The following EPHB2 variants were observed in gnomAD, a reference collection of about 807,000 sequenced individuals.
EPHB2 encodes EPH receptor B2.
Under a neutral mutation model 96.4 loss-of-function variants are expected in EPHB2, and 18 were observed. The observed-to-expected ratio is 0.19, with a 90% CI of 0.13 to 0.28. The LOEUF (loss-of-function observed/expected upper bound fraction) is 0.28, where lower values mean the gene tolerates loss of function less well. Ranked by LOEUF, EPHB2 falls within the 10% of genes least tolerant of loss-of-function variation. EPHB2 has a pLI of 1.00. For synonymous variants in EPHB2, 506 were observed against 534.1 expected (o/e 0.95, Z 0.72); for missense variants, 989 against 1,355.4 (o/e 0.73, Z 4.25).
chr1:22,906,485 A>T lies in EPHB2; in HGVS notation c.1889-225A>T, dbSNP rs990294568. Among the ~76,000 whole-genome samples the T allele has an allele frequency of 6.6e-6, 1 of 152,146 alleles. No individual in the cohort carries two copies. Among genetic ancestry groups the T allele is most frequent in the African/African-American group, 2.4e-5 (1 of 41,412 alleles). On this transcript the variant is annotated intron_variant, in intron 10 of 15. Transcript: ENST00000374630. This position sits in a 1 kb window ranked among gnomAD's most constrained non-coding sequence, Gnocchi z 4.8. ...CCCTCACCCCCATGCCCAGCCAGGG[A>T]TAACCAGAGAACAACCATGAGGAAT...
chr1:22,855,317 T>C (rs1329835773), intron 3 of EPHB2, among the ~76,000 whole-genome samples: 6 of 152,174 alleles, frequency 3.9e-5, no homozygotes, highest in African/African-American at 1.4e-4. Flanking sequence ...ACTGACTTCC[T>C]AGAGATTCCA....
intron 5 of EPHB2, among the ~76,000 whole-genome samples, chr1:22,870,354 A>C (rs372543571): frequency 8.2e-4 from 125 of 152,156 alleles, no homozygotes; most frequent in Non-Finnish European, 1.5e-3. Flanking sequence ...AGGGATAAGG[A>C]AACGGGTTGG....
In EPHB2 at chr1:22,906,086, A is replaced by G. The variant is rs767980355; in HGVS notation, c.1865A>G (p.Lys622Arg). 3 of 1,614,178 alleles carry G rather than the reference A, an allele frequency of 1.9e-6. No homozygotes were observed. Among genetic ancestry groups the G allele is most frequent in the Non-Finnish European group, 2.5e-6 (3 of 1,180,040 alleles). The change falls in exon 10 of 16, where the codon AAA becomes AGA. Residue 622 changes from lysine to arginine, a missense_variant. Coordinates refer to ENST00000374630, the MANE Select transcript of EPHB2 (RefSeq NM_017449.5). The surrounding 1 kb of genome is among the most constrained non-coding windows in gnomAD (Gnocchi z 4.8). ...FAKEIDISCV[K>R]IEQVIGAGEF... is the part of the protein sequence containing the mutation. ...AAGGAAATTGACATCTCCTGTGTCA[A>G]AATTGAGCAGGTGATCGGAGCAGGT...
In EPHB2 at chr1:22,906,322, G is replaced by A. The variant is rs1420587899; in HGVS notation, c.1888+213G>A. Among the ~76,000 whole-genome samples the A allele has an allele frequency of 6.6e-6, 1 of 152,156 alleles. No homozygotes were observed. Among genetic ancestry groups the A allele is most frequent in the African/African-American group, 2.4e-5 (1 of 41,432 alleles). On this transcript the variant is annotated intron_variant, in intron 10 of 15. Transcript: ENST00000374630. This position sits in a 1 kb window ranked among gnomAD's most constrained non-coding sequence, Gnocchi z 4.8. ...GACAAAAGAGGAAACTGAGGCACAG[G>A]GCTGGGAGGGGACATGCACAGTGAG...
At chr1:22,777,120 A>G (rs1305653192) in intron 1 of EPHB2, among the ~76,000 whole-genome samples, 1 of 152,232 alleles carries the variant, frequency 6.6e-6, no homozygotes, top group African/African-American at 2.4e-5. Context: ...GATGAACATT[A>G]GGGCAGGCCA....
At chr1:22,720,170 G>A (rs72879161) in intron 1 of EPHB2, among the ~76,000 whole-genome samples, 10,690 of 152,216 alleles carry the variant, frequency 0.07, 1,152 homozygotes, top group African/African-American at 0.23. Flanking sequence ...AAACTGCAAG[G>A]CTTCTTAAGG....
At chr1:22,805,776 A>T (rs1570311964) in intron 3 of EPHB2, among the ~76,000 whole-genome samples, 1 of 152,310 alleles carries the variant, frequency 6.6e-6, no homozygotes, top group South Asian at 2.1e-4. Flanking sequence ...TCACTAGCGC[A>T]TATGTGCCTG....
chr1:22,874,916 C>T (rs192860318), intron 5 of EPHB2, among the ~76,000 whole-genome samples: 4 of 152,278 alleles, frequency 2.6e-5, no homozygotes, highest in East Asian at 1.9e-4. Context: ...AATGAGCCTG[C>T]GACCACTGGG....
At chr1:22,788,589 GCTTCTCA>G (rs1644645001) in intron 3 of EPHB2, among the ~76,000 whole-genome samples, 1 of 152,168 alleles carries the variant, frequency 6.6e-6, no homozygotes, top group African/African-American at 2.4e-5. Context: ...CTAGCTTAGG[GCTTCTCA>G]ACCTTTATTG....
Position 22,908,048 on chromosome 1 carries a change from C to T in EPHB2, c.2232C>T (p.His744=). The T allele has an allele frequency of 6.2e-7, 1 of 1,614,254 alleles. No homozygotes were observed. Among genetic ancestry groups the T allele is most frequent in the Non-Finnish European group, 8.5e-7 (1 of 1,180,054 alleles). The part of the protein sequence containing the change: ...MKYLADMNYV[H]RDLAARNILV... ...ACCTGGCAGACATGAACTATGTTCA[C>T]CGTGACCTGGCTGCCCGCAACATCC... The change falls in exon 12 of 16, where the codon CAC becomes CAT. Residue 744 remains histidine (H), a synonymous_variant. Coordinates refer to ENST00000374630, the MANE Select transcript of EPHB2 (RefSeq NM_017449.5).
chr1:22,743,337 A>T (rs1338860365), intron 1 of EPHB2, among the ~76,000 whole-genome samples: 1 of 152,188 alleles, frequency 6.6e-6, no homozygotes, highest in Non-Finnish European at 1.5e-5. Flanking sequence ...GCTTACCAGG[A>T]TCAGCTTACT....
At chr1:22,870,003 G>A (rs571250936) in intron 5 of EPHB2, among the ~76,000 whole-genome samples, 15 of 152,320 alleles carry the variant, frequency 9.8e-5, no homozygotes, top group Middle Eastern at 3.4e-3. Context: ...TCGGAGAAGC[G>A]TGGGGTGAGG....
chr1:22,920,959 C>T lies in EPHB2; in HGVS notation c.*7389C>T, dbSNP rs1242407581. On this transcript the variant is annotated 3_prime_UTR_variant, in exon 16 of 16. Coordinates refer to ENST00000374630, the MANE Select transcript of EPHB2 (RefSeq NM_017449.5). ...GACATGGTGGCTCTCCCAGGTCACA[C>T]AGCCAGTAAGTGGCCTCTGACCCCA... 6.6e-6 allele frequency: 1 copy of T among 152,286 alleles called. No homozygotes were observed. The highest frequency in any genetic ancestry group is 1.5e-5 in the Non-Finnish European group (1 of 68,086). 9.4% of individuals were successfully genotyped at this position (152,286 alleles called of 1,614,324 possible). A position where few individuals can be genotyped will look rare whatever the true frequency, so the allele number is the denominator to read the frequency against.
chr1:22,758,864 A>T (rs1444451121), intron 1 of EPHB2, among the ~76,000 whole-genome samples: 5 of 132,860 alleles, frequency 3.8e-5, no homozygotes, highest in Non-Finnish European at 1.6e-5. Flanking sequence ...GTCCTGGTGG[A>T]TGGATGATGG....
In EPHB2 at chr1:22,913,825, A is replaced by G; in HGVS notation, c.*255A>G. On this transcript the variant is annotated 3_prime_UTR_variant, in exon 16 of 16. Coordinates refer to ENST00000374630, the MANE Select transcript of EPHB2 (RefSeq NM_017449.5). The surrounding 1 kb of genome is among the most constrained non-coding windows in gnomAD (Gnocchi z 4.1). The stretch of plus-strand genomic sequence containing the variant: ...GGGAAATACAAGGAATATTTTTTAA[A>G]GAGGATTCTCATAAGGAAAGCAATG... 1 of 1,610,734 alleles carries G rather than the reference A, an allele frequency of 6.2e-7. No homozygotes were observed. Among genetic ancestry groups the G allele is most frequent in the Non-Finnish European group, 8.5e-7 (1 of 1,178,718 alleles).
intron 7 of EPHB2, among the ~76,000 whole-genome samples, chr1:22,893,394 C>G (rs1328007968): frequency 6.6e-6 from 1 of 152,166 alleles, no homozygotes; most frequent in African/African-American, 2.4e-5. Flanking sequence ...CATATTTTAT[C>G]CATACACAAC....
At chr1:22,805,048 C>T (rs770995603) in intron 3 of EPHB2, among the ~76,000 whole-genome samples, 4 of 151,484 alleles carry the variant, frequency 2.6e-5, no homozygotes, top group Non-Finnish European at 5.9e-5. Context: ...CAACCTCCCC[C>T]TCTAGCAAGG....
chr1:22,793,521 T>C (rs1644725562), intron 3 of EPHB2, among the ~76,000 whole-genome samples: 1 of 152,192 alleles, frequency 6.6e-6, no homozygotes, highest in South Asian at 2.1e-4. Flanking sequence ...GTGGTTTTTT[T>C]CTTTTTAAAC....
In EPHB2 at chr1:22,858,272, AG is replaced by A. The variant is rs1645734423; in HGVS notation, c.812-4763del. Among the ~76,000 whole-genome samples the A allele has an allele frequency of 6.6e-6, 1 of 152,196 alleles. No individual in the cohort carries two copies. Among genetic ancestry groups the A allele is most frequent in the Admixed American group, 6.5e-5 (1 of 15,278 alleles). ...AGGAGACCATCAGGACCAACCTCAC[AG>A]GCCTTGTAGCCAGGCTAGGCATGTG... On this transcript the variant is annotated intron_variant, in intron 3 of 15. Coordinates refer to ENST00000374630, the MANE Select transcript of EPHB2 (RefSeq NM_017449.5). The surrounding 1 kb of genome is among the most constrained non-coding windows in gnomAD (Gnocchi z 7.7).
Sources: gnomAD v4.1 joint callset for allele counts (sites outside exome capture counted in the v4.1 genomes callset) on GRCh38, gnomAD v4.1.1 for gene constraint, Gnocchi (gnomAD v3.1) non-coding constraint, MANE v1.5 for transcripts, NCBI Gene and HGNC (gene_info 2026-07-23, HGNC 2026-07-21) for gene names.